Variants in WDR70 observed in about 807,000 individuals in gnomAD.
WDR70 encodes WD repeat domain 70.
In WDR70, 53 loss-of-function variants were observed where a neutral mutation model predicts 88.6. That is an observed-to-expected ratio of 0.60 (90% CI 0.48 to 0.75). The LOEUF (loss-of-function observed/expected upper bound fraction) is 0.75, where lower values mean the gene tolerates loss of function less well. Ranked by LOEUF, WDR70 falls within the 30% of genes least tolerant of loss-of-function variation. The pLI is 0.00. For missense variants in WDR70, 610 were observed against 823.2 expected (o/e 0.74, Z 3.17); for synonymous variants, 280 against 270.0 (o/e 1.04, Z -0.36).
rs1440704708 is a variant in WDR70 at position 37,443,330 on chromosome 5, A to G, written c.644A>G (p.Asp215Gly). The stretch of plus-strand genomic sequence containing the variant: ...AAGTTTTGGGATTTTGCTGGAATGG[A>G]TGCTTCTTTTAAGGCATTTCGATCC... ...DVKFWDFAGM[D>G]ASFKAFRSLQ... Residue 215 changes from aspartate (D) to glycine (G), a missense_variant, in exon 7 of 18, where the codon GAT becomes GGT. Coordinates refer to ENST00000265107, the MANE Select transcript of WDR70 (RefSeq NM_018034.4). 6.2e-7 allele frequency: 1 copy of G among 1,613,690 alleles called. No homozygotes were observed. Among genetic ancestry groups the G allele is most frequent in the Non-Finnish European group, 8.5e-7 (1 of 1,179,848 alleles).
intron 16 of WDR70, among the ~76,000 whole-genome samples, chr5:37,726,156 A>G (rs946662570): frequency 1.3e-5 from 2 of 152,192 alleles, no homozygotes; most frequent in African/African-American, 2.4e-5. Flanking sequence ...CTGAAGTGCT[A>G]TCTTCCTCTA....
chr5:37,706,491 T>C (rs6451340), intron 13 of WDR70, among the ~76,000 whole-genome samples: 6,346 of 152,224 alleles, frequency 0.042, 471 homozygotes, highest in African/African-American at 0.15. Flanking sequence ...GTTCTTGTGA[T>C]AGTGAATACG....
intron 9 of WDR70, among the ~76,000 whole-genome samples, chr5:37,590,393 G>C (rs1248489125): frequency 6.6e-6 from 1 of 152,116 alleles, no homozygotes; most frequent in Non-Finnish European, 1.5e-5. Flanking sequence ...CTTGTGTCTA[G>C]CTTCTTTTAG....
intron 9 of WDR70, among the ~76,000 whole-genome samples, chr5:37,589,671 C>G (rs6872560): frequency 0.045 from 6,901 of 152,160 alleles, 184 homozygotes; most frequent in Middle Eastern, 0.11. Context: ...GCCTCTGCCT[C>G]CTGGGTTCAA....
At chr5:37,392,632 C>T (rs1446511281) in intron 4 of WDR70, among the ~76,000 whole-genome samples, 1 of 152,086 alleles carries the variant, frequency 6.6e-6, no homozygotes, top group Admixed American at 6.6e-5. Flanking sequence ...GTGTCAGCTA[C>T]TGGGCCTGGC....
At chr5:37,505,664 A>G in intron 8 of WDR70, 1 of 813,528 alleles carries the variant, frequency 1.2e-6, no homozygotes, top group East Asian at 2.4e-5. Flanking sequence ...CATCTTGTAC[A>G]TCTTCCTCTA....
intron 7 of WDR70, among the ~76,000 whole-genome samples, chr5:37,454,303 G>A (rs1441551395): frequency 6.6e-6 from 1 of 152,018 alleles, no homozygotes; most frequent in Non-Finnish European, 1.5e-5. Flanking sequence ...GCTTAAGGCT[G>A]ATATGTTTAG....
rs77711244 is a variant in WDR70 at position 37,666,732 on chromosome 5, A to G, written c.1093-30923A>G. On this transcript the variant is annotated intron_variant, in intron 10 of 17. Transcript: ENST00000265107. ...GCAGAGGTAGCCTGAAATCAGAGGA[A>G]CCATGAGTACTATGTACCATGTATA... 1.9e-3 allele frequency among the ~76,000 whole-genome samples: 287 copies of G among 152,244 alleles called. 1 individual carries two copies. Among genetic ancestry groups the G allele is most frequent in the African/African-American group, 6.6e-3 (275 of 41,550 alleles).
chr5:37,625,372 T>C (rs1744632871), intron 10 of WDR70, among the ~76,000 whole-genome samples: 1 of 152,216 alleles, frequency 6.6e-6, no homozygotes, highest in Admixed American at 6.5e-5. Flanking sequence ...ATAGTTATTC[T>C]AACTGGAATG....
At chr5:37,634,263 C>T (rs1744897930) in intron 10 of WDR70, among the ~76,000 whole-genome samples, 1 of 143,806 alleles carries the variant, frequency 7.0e-6, no homozygotes, top group African/African-American at 2.6e-5. Flanking sequence ...TGCATCACTG[C>T]ACTCCAGCCT....
Position 37,669,555 on chromosome 5 carries a change from C to G in WDR70, c.1093-28100C>G, listed in dbSNP as rs35315233. Among the ~76,000 whole-genome samples, 3,239 of 152,216 alleles carry G rather than the reference C, an allele frequency of 0.021. 224 individuals are homozygous for G. The East Asian group carries it at 0.26, about 12-fold the overall frequency. ...ATGAGTGAGGCAGTCCCAGATTCTC[C>G]TCTTACCACCTGTGTTGTCAGACCA... On this transcript the variant is annotated intron_variant, in intron 10 of 17. Transcript: ENST00000265107.
intron 9 of WDR70, among the ~76,000 whole-genome samples, chr5:37,548,424 A>G (rs941098775): frequency 6.6e-6 from 1 of 152,050 alleles, no homozygotes; most frequent in East Asian, 1.9e-4. Flanking sequence ...TCTGTTTGCA[A>G]TTTGTATTTC....
At chr5:37,693,066 C>A (rs539740223) in intron 10 of WDR70, among the ~76,000 whole-genome samples, 1 of 149,074 alleles carries the variant, frequency 6.7e-6, no homozygotes, top group Non-Finnish European at 1.5e-5. Flanking sequence ...TTCCTATACA[C>A]CAATAACAGA....
chr5:37,557,308 G>A (rs1742320538), intron 9 of WDR70, among the ~76,000 whole-genome samples: 1 of 151,882 alleles, frequency 6.6e-6, no homozygotes, highest in South Asian at 2.1e-4. Flanking sequence ...AATGCTGATG[G>A]GTTCTGAAGA....
At chr5:37,418,022 G>A (rs1749816502) in intron 5 of WDR70, among the ~76,000 whole-genome samples, 1 of 152,162 alleles carries the variant, frequency 6.6e-6, no homozygotes, top group African/African-American at 2.4e-5. Context: ...GTGAGGAACT[G>A]GTTGAACTAG....
At position 37,703,042 on chromosome 5, in the gene WDR70, G is replaced by A. The variant is rs780135704; in HGVS notation, c.1371G>A (p.Glu457=). 1.9e-6 allele frequency: 3 copies of A among 1,613,874 alleles called. No homozygotes were observed. The highest frequency in any genetic ancestry group is 2.2e-5 in the East Asian group (1 of 44,868). ...GCGSGKLVFF[E]RRTFQRVYEI... is the part of the protein sequence containing the mutation. ...GCAGCGGCAAACTTGTTTTCTTTGAGCGTAGGACTTTCCAAAGGGTGTATG... is the reference window on the plus strand; with the variant it reads ...GCAGCGGCAAACTTGTTTTCTTTGAACGTAGGACTTTCCAAAGGGTGTATG... The change falls in exon 13 of 18, where the codon GAG becomes GAA. Residue 457 remains glutamate (E), a synonymous_variant. Coordinates refer to ENST00000265107, the MANE Select transcript of WDR70 (RefSeq NM_018034.4).
Position 37,725,011 on chromosome 5 carries a change from C to T in WDR70, c.1675C>T (p.Leu559=). The stretch of plus-strand genomic sequence containing the variant: ...GCTGGAGAAGGACAGACTGGATCCC[C>T]TGAAGTCGCATAAACCTGAACCTCC... The part of the protein sequence containing the change: ...KQLEKDRLDP[L]KSHKPEPPVA... The change falls in exon 16 of 18, where the codon CTG becomes TTG. Residue 559 remains leucine, a synonymous_variant. Coordinates refer to ENST00000265107, the MANE Select transcript of WDR70 (RefSeq NM_018034.4). The T allele has an allele frequency of 6.2e-7, 1 of 1,613,644 alleles. No individual in the cohort carries two copies. Among genetic ancestry groups the T allele is most frequent in the Non-Finnish European group, 8.5e-7 (1 of 1,179,712 alleles).
At chr5:37,578,658 A>G (rs1268602626) in intron 9 of WDR70, among the ~76,000 whole-genome samples, 1 of 152,228 alleles carries the variant, frequency 6.6e-6, no homozygotes, top group Non-Finnish European at 1.5e-5. Context: ...AATGCCATCA[A>G]TTCAATAAAA....
At chr5:37,610,949 G>T (rs1439281305) in intron 10 of WDR70, among the ~76,000 whole-genome samples, 4 of 152,132 alleles carry the variant, frequency 2.6e-5, no homozygotes, top group Non-Finnish European at 4.4e-5. Flanking sequence ...AAACAGTCTT[G>T]AATCTTCTCT....
Sources: allele counts gnomAD v4.1 joint callset (sites outside exome capture counted in the v4.1 genomes callset), GRCh38; gene constraint gnomAD v4.1.1; transcripts MANE v1.5; gene names NCBI Gene and HGNC (gene_info 2026-07-23, HGNC 2026-07-21).